JPH3: variants seen among roughly 807,000 people sequenced by gnomAD.
The protein encoded by JPH3 is junctophilin 3.
JPH3 carries 11 observed loss-of-function variants against 59.6 expected under a neutral mutation model. The ratio of observed to expected loss-of-function variants is 0.18; its 90% CI spans 0.12 to 0.31. The LOEUF is 0.31. Among genes scored for constraint, JPH3 ranks in the 10% least tolerant of loss-of-function variants. The probability of loss-of-function intolerance (pLI) is 1.00; values close to 1 mark genes in which losing one functional copy is unlikely to be tolerated. For missense variants in JPH3, 1,202 were observed against 1,105.7 expected, an observed-to-expected ratio of 1.09 and a Z score of -1.24; for synonymous variants, 673 against 483.6, an observed-to-expected ratio of 1.39 and a Z score of -5.14.
chr16:87,603,293 G>A lies in JPH3; in HGVS notation c.147G>A (p.Val49=), dbSNP rs1167907408. The part of the protein sequence containing the change: ...YTGSWSHGFE[V]LGVYTWPSGN... ...GCTCGTGGAGCCACGGCTTCGAGGT[G>A]CTGGGCGTCTACACCTGGCCCAGCG... The change falls in exon 1 of 5, where the codon GTG becomes GTA. Residue 49 remains valine (V), a synonymous_variant. Transcript: ENST00000284262. The A allele has an allele frequency of 6.2e-7, 1 of 1,613,388 alleles. No individual in the cohort carries two copies. Among genetic ancestry groups the A allele is most frequent in the Non-Finnish European group, 8.5e-7 (1 of 1,179,924 alleles).
chr16:87,689,485 G>A (rs2033502412), intron 3 of JPH3, among the ~76,000 whole-genome samples, 161 bp from the exon 4 acceptor site: 1 of 149,678 alleles, frequency 6.7e-6, no homozygotes, highest in Admixed American at 6.7e-5. Flanking sequence ...GGCTTTGGGA[G>A]CCACGGTCCC....
intron 2 of JPH3, among the ~76,000 whole-genome samples, chr16:87,650,488 C>G (rs1177734065): frequency 6.6e-6 from 1 of 152,190 alleles, no homozygotes; most frequent in Non-Finnish European, 1.5e-5. Flanking sequence ...AGTCTCACAT[C>G]TCTCACTTTA....
At chr16:87,614,627 A>G (rs1327651308) in intron 1 of JPH3, among the ~76,000 whole-genome samples, 1 of 129,968 alleles carries the variant, frequency 7.7e-6, no homozygotes. Context: ...CCTGCACACA[A>G]GGGGGTCTGC....
chr16:87,657,601 A>G (rs1363341824), intron 2 of JPH3, among the ~76,000 whole-genome samples: 1 of 152,186 alleles, frequency 6.6e-6, no homozygotes, highest in Non-Finnish European at 1.5e-5. Context: ...TAAACGAGAA[A>G]AACTCATTTC....
chr16:87,689,865 C>G lies in JPH3; in HGVS notation c.1505C>G (p.Ser502Trp). ...PAARNKVAHF[S>W]RQVSVDEERG... ...GCCAGGAACAAGGTCGCCCACTTCT[C>G]GAGGCAGGTGTCGGTGGACGAGGAG... The change falls in exon 4 of 5, where the codon TCG becomes TGG. Residue 502 changes from serine to tryptophan, a missense_variant. By Grantham distance (177) the Ser-to-Trp change is radical. Coordinates refer to ENST00000284262, the MANE Select transcript of JPH3 (RefSeq NM_020655.4). 1 of 1,502,344 alleles carries G rather than the reference C, an allele frequency of 6.7e-7. No homozygotes were observed. The highest frequency in any genetic ancestry group is 2.5e-5 in the East Asian group (1 of 40,740). 93.1% of individuals were successfully genotyped at this position (1,502,344 alleles called of 1,614,324 possible).
intron 2 of JPH3, among the ~76,000 whole-genome samples, chr16:87,659,235 G>T (rs984654743): frequency 6.6e-6 from 1 of 151,768 alleles, no homozygotes; most frequent in African/African-American, 2.4e-5. Context: ...AATTCAGCCG[G>T]GTATGGTGGC....
intron 1 of JPH3, among the ~76,000 whole-genome samples, chr16:87,620,182 C>G (rs1014761962): frequency 1.3e-5 from 2 of 151,996 alleles, no homozygotes; most frequent in Non-Finnish European, 2.9e-5. Context: ...GGACTGGGAT[C>G]CCAGCGCAGG....
intron 1 of JPH3, chr16:87,605,067 C>G (rs1187634050): frequency 2.5e-6 from 1 of 403,730 alleles, no homozygotes; most frequent in Admixed American, 2.6e-5. Context: ...CCTGGCGCTT[C>G]CAGCTGGGCT....
At chr16:87,662,395 C>T (rs917703713) in intron 2 of JPH3, among the ~76,000 whole-genome samples, 4 of 152,020 alleles carry the variant, frequency 2.6e-5, no homozygotes, top group African/African-American at 9.7e-5. Flanking sequence ...GGATTTTCCC[C>T]TCTGCCTGAC....
rs1567610816 is a variant in JPH3 at position 87,677,227 on chromosome 16, A to ACACACACACACACACAC, written c.1161-6915_1161-6914insCACACACACACACACAC. Among the ~76,000 whole-genome samples, 63 of 99,180 alleles carry ACACACACACACACACAC rather than the reference A, an allele frequency of 6.4e-4. 1 individual carries two copies. The highest frequency in any genetic ancestry group is 8.2e-4 in the African/African-American group (18 of 22,070). The allele number at this position is 99,180 out of a possible 152,430, so 65.1% of individuals were successfully genotyped here. On this transcript the variant is annotated intron_variant, in intron 2 of 4. Transcript: ENST00000284262. ...ACACACACACACACACACACACACA[A>ACACACACACACACACAC]AAAAAAAAATTAGCCGGGTGTGGTG...
At chr16:87,604,941 G>A (rs560524728) in intron 1 of JPH3, 38 of 452,846 alleles carry the variant, frequency 8.4e-5, no homozygotes, top group African/African-American at 4.2e-4. Context: ...AGGGCCGGGC[G>A]GGAGCAGACG....
chr16:87,680,293 G>C (rs995187711), intron 2 of JPH3, among the ~76,000 whole-genome samples: 1 of 152,200 alleles, frequency 6.6e-6, no homozygotes, highest in Non-Finnish European at 1.5e-5. Flanking sequence ...GAAGGTCCGA[G>C]TGTGGCTTCA....
At chr16:87,625,553 C>T (rs946846405) in intron 1 of JPH3, among the ~76,000 whole-genome samples, 1 of 152,162 alleles carries the variant, frequency 6.6e-6, no homozygotes, top group African/African-American at 2.4e-5. Context: ...AGCCAAGGTC[C>T]CAAGAAGGAA....
intron 1 of JPH3, among the ~76,000 whole-genome samples, chr16:87,635,887 A>C (rs1336698702): frequency 5.3e-5 from 8 of 152,124 alleles, no homozygotes; most frequent in African/African-American, 1.7e-4. Context: ...CACTGCAGCC[A>C]CACCCTCCTG....
chr16:87,698,129 CTAAAGAT>C lies in JPH3; in HGVS notation c.*1472_*1478del, dbSNP rs2033978682. 6.6e-6 allele frequency: 1 copy of C among 152,564 alleles called. No individual in the cohort carries two copies. The highest frequency in any genetic ancestry group is 1.5e-5 in the Non-Finnish European group (1 of 68,038). The allele number at this position is 152,564 out of a possible 1,614,324, so 9.5% of individuals were successfully genotyped here. A position where few individuals can be genotyped will look rare whatever the true frequency, so the allele number is the denominator to read the frequency against. ...TGCTATATTTTTAACCAGAAATAAA[CTAAAGAT>C]TAGAGCATGTTCCAGTTAAATTCAG... On this transcript the variant is annotated 3_prime_UTR_variant, in exon 5 of 5. Coordinates refer to ENST00000284262, the MANE Select transcript of JPH3 (RefSeq NM_020655.4).
intron 1 of JPH3, among the ~76,000 whole-genome samples, chr16:87,630,609 CCCT>C (rs893328063): frequency 3.3e-5 from 5 of 152,146 alleles, no homozygotes; most frequent in African/African-American, 9.7e-5. Flanking sequence ...TCTTTCCTTC[CCCT>C]CCTCCTTAAA....
intron 4 of JPH3, chr16:87,695,177 G>C: frequency 2.7e-6 from 1 of 375,116 alleles, no homozygotes; most frequent in Non-Finnish European, 5.3e-6. Context: ...GGGGAGGCCC[G>C]TTGTTCGGGC....
At chr16:87,673,162 TTAAATG>T (rs1242480137) in intron 2 of JPH3, among the ~76,000 whole-genome samples, 1 of 151,736 alleles carries the variant, frequency 6.6e-6, no homozygotes, top group Non-Finnish European at 1.5e-5. Context: ...AAAAAAAAGT[TTAAATG>T]TAAAACATAA....
Position 87,644,450 on chromosome 16 carries a change from C to A in JPH3, c.575C>A (p.Ser192Tyr), listed in dbSNP as rs1426246188. 1.2e-6 allele frequency: 2 copies of A among 1,612,538 alleles called. No homozygotes were observed. Among genetic ancestry groups the A allele is most frequent in the Non-Finnish European group, 1.7e-6 (2 of 1,179,640 alleles). The change falls in exon 2 of 5, where the codon TCC becomes TAC. Residue 192 changes from serine to tyrosine, a missense_variant. Transcript: ENST00000284262. Reference protein sequence around the residue: ...SPAVAGSPAVSRGGFVLVAHS... With the variant: ...SPAVAGSPAVYRGGFVLVAHS... ...GCGGTGGCCGGCAGCCCGGCCGTGTCCCGCGGGGGCTTCGTGCTCGTGGCC... is the reference window on the plus strand; with the variant it reads ...GCGGTGGCCGGCAGCCCGGCCGTGTACCGCGGGGGCTTCGTGCTCGTGGCC...
Sources: gnomAD v4.1 joint callset for allele counts (sites outside exome capture counted in the v4.1 genomes callset) on GRCh38, gnomAD v4.1.1 for gene constraint, MANE v1.5 for transcripts, NCBI Gene and HGNC (gene_info 2026-07-23, HGNC 2026-07-21) for gene names.